JMJD8: variants seen among roughly 807,000 people sequenced by gnomAD.
JMJD8 encodes jmjC domain-containing protein 8.
A neutral mutation model predicts 37.6 loss-of-function variants in JMJD8; 56 were observed. That is an observed-to-expected ratio of 1.49 (90% CI 1.20 to 1.86). The LOEUF (loss-of-function observed/expected upper bound fraction) is 1.86. Among genes scored for constraint, JMJD8 ranks in the 40% most tolerant of loss-of-function variants. JMJD8 has a pLI of 0.00. For synonymous variants in JMJD8, 261 were observed against 163.7 expected (o/e 1.59, Z -4.54); for missense variants, 542 against 362.7 (o/e 1.49, Z -4.01).
chr16:684,069 T>C lies in JMJD8; in HGVS notation c.173A>G (p.Gln58Arg), dbSNP rs769804380. 1.2e-5 allele frequency: 19 copies of C among 1,580,344 alleles called. No homozygotes were observed. The Admixed American group carries it at 3.1e-4, about 26-fold the overall frequency. The change falls in exon 2 of 9, where the codon CAG becomes CGG. Residue 58 changes from glutamine (Q) to arginine (R), a missense_variant. Coordinates refer to ENST00000609261, the MANE Select transcript of JMJD8 (RefSeq NM_001005920.4). ...CCGCGATCAGGGGCGCACGTACTGC[T>C]GCACGAACTCCGCGTAGGTGAGGTC... ...RADLTYAEFV[Q>R]QYAFVRPVIL...
In JMJD8 at chr16:681,672, T is replaced by G. The variant is rs2039657794; in HGVS notation, c.*1122A>C. The stretch of plus-strand genomic sequence containing the variant: ...AATCACCGACTCCCGACACAAGCGT[T>G]TATCGAAGGCTTTACTGGCAAGCAG... On this transcript the variant is annotated 3_prime_UTR_variant, in exon 9 of 9. Coordinates refer to ENST00000609261, the MANE Select transcript of JMJD8 (RefSeq NM_001005920.4). The G allele has an allele frequency of 1.4e-5, 22 of 1,564,678 alleles. No individual in the cohort carries two copies. Among genetic ancestry groups the G allele is most frequent in the Non-Finnish European group, 1.6e-5 (18 of 1,152,050 alleles).
In JMJD8 at chr16:682,812, G is replaced by C. The variant is rs759071961; in HGVS notation, c.777C>G (p.Ile259Met). 7.2e-5 allele frequency: 116 copies of C among 1,612,892 alleles called. 1 individual carries two copies. The highest frequency in any genetic ancestry group is 9.2e-5 in the Non-Finnish European group (109 of 1,179,874). Reference protein sequence around the residue: ...ATLNLDTSVFISTFLG With the variant: ...ATLNLDTSVFMSTFLG ...GTTTTGGCTAGCCGAGGAAGGTGGA[G>C]ATGAAGACGCTGGTGTCAAGGTTGA... The change falls in exon 9 of 9, where the codon ATC becomes ATG. Residue 259 changes from isoleucine (I) to methionine (M), a missense_variant. Ile to Met is a conservative substitution (Grantham distance 10). Transcript: ENST00000609261.
Position 683,899 on chromosome 16 carries a change from C to T in JMJD8, c.187G>A (p.Val63Ile), listed in dbSNP as rs1324800952. 3 of 1,580,404 alleles carry T rather than the reference C, an allele frequency of 1.9e-6. No homozygotes were observed. The highest frequency in any genetic ancestry group is 1.3e-5 in the African/African-American group (1 of 74,320). Residue 63 changes from valine (V) to isoleucine (I), a missense_variant, in exon 3 of 9, where the codon GTC becomes ATC. By Grantham distance (29) the Val-to-Ile change is conservative. Transcript: ENST00000609261. ...AGTCCCTGCAGGATGACGGGCCTGA[C>T]GAAGGCGTACCTGGAAAGAAGGGCA... ...YAEFVQQYAFVRPVILQGLTD... is the reference protein window; with the variant it reads ...YAEFVQQYAFIRPVILQGLTD...
At position 683,776 on chromosome 16, in the gene JMJD8, G is replaced by A. The variant is rs777191693; in HGVS notation, c.231C>T (p.Phe77=). Residue 77 remains phenylalanine, a synonymous_variant, in exon 4 of 9, where the codon TTC becomes TTT. Transcript: ENST00000609261. The part of the protein sequence containing the change: ...ILQGLTDNSR[F]RALCSRDRLL... ...ACCTGTCGCGGGAGCACAGGGCCCG[G>A]AACCTCTGCGGGGGCGGGGAGGGGA... 8 of 1,606,490 alleles carry A rather than the reference G, an allele frequency of 5.0e-6. No homozygotes were observed. The Admixed American group carries it at 1.2e-4, about 24-fold the overall frequency.
rs2039704266 is a variant in JMJD8 at position 682,396 on chromosome 16, C to T, written c.*398G>A. On this transcript the variant is annotated 3_prime_UTR_variant, in exon 9 of 9. Transcript: ENST00000609261. ...GTCATTTTGACCCCGTGACCCGGAGCCCCCTGACCCAGGAACAGCTCATCC... is the reference window on the plus strand; with the variant it reads ...GTCATTTTGACCCCGTGACCCGGAGTCCCCTGACCCAGGAACAGCTCATCC... 3 of 1,613,126 alleles carry T rather than the reference C, an allele frequency of 1.9e-6. No individual in the cohort carries two copies. Among genetic ancestry groups the T allele is most frequent in the South Asian group, 1.1e-5 (1 of 91,086 alleles).
chr16:682,582 C>A lies in JMJD8; in HGVS notation c.*212G>T, dbSNP rs1290777829. The A allele has an allele frequency of 3.2e-6, 5 of 1,553,522 alleles. No homozygotes were observed. In the African/African-American group the frequency reaches 6.8e-5, roughly 21 times the overall value. On this transcript the variant is annotated 3_prime_UTR_variant, in exon 9 of 9. Coordinates refer to ENST00000609261, the MANE Select transcript of JMJD8 (RefSeq NM_001005920.4). ...TAGTTTATGTTCCTGGCCACCCCGA[C>A]CGCTTCCCCCAAGTTCTGCTGTTGG... is the stretch of plus-strand genomic sequence containing the variant.
Position 682,653 on chromosome 16 carries a change from A to G in JMJD8, c.*141T>C. On this transcript the variant is annotated 3_prime_UTR_variant, in exon 9 of 9. Transcript: ENST00000609261. Reference sequence around the variant, plus strand: ...TCAGCATCGCTTTTGCTGGGCCGTGATCGTCCCCCTTTGTGGGCTGGAAAA... The same window carrying G: ...TCAGCATCGCTTTTGCTGGGCCGTGGTCGTCCCCCTTTGTGGGCTGGAAAA... 7.1e-7 allele frequency: 1 copy of G among 1,405,912 alleles called. No individual in the cohort carries two copies. The allele number at this position is 1,405,912 out of a possible 1,614,324, so 87.1% of individuals were successfully genotyped here. A position where few individuals can be genotyped will look rare whatever the true frequency, so the allele number is the denominator to read the frequency against.
rs2039724370 is a variant in JMJD8, at chr16:682,717, C to G, written c.*77G>C. 1 of 1,536,660 alleles carries G rather than the reference C, an allele frequency of 6.5e-7. No individual in the cohort carries two copies. Among genetic ancestry groups the G allele is most frequent in the African/African-American group, 1.4e-5 (1 of 73,574 alleles). ...GGCTGGGCTGAGGCCATTGCCGCCA[C>G]TATCTGTGTAATAAAATCCGTGAGC... On this transcript the variant is annotated 3_prime_UTR_variant, in exon 9 of 9. Transcript: ENST00000609261.
chr16:683,196 C>G lies in JMJD8; in HGVS notation c.550G>C (p.Gly184Arg), dbSNP rs778048664. The G allele has an allele frequency of 6.2e-6, 10 of 1,613,096 alleles. No homozygotes were observed. The highest frequency in any genetic ancestry group is 1.3e-5 in the African/African-American group (1 of 74,894). ...CGACCGTAGATCACTTCTGAGTACC[C>G]GGGTCCATGCCAGTGGAAGGGCACC... The part of the protein sequence containing the change: ...SGVPFHWHGP[G>R]YSEVIYGRKR... The change falls in exon 7 of 9, where the codon GGG (glycine) becomes CGG (arginine). Residue 184 changes from glycine to arginine, a missense_variant. Physicochemically the swap from Gly to Arg is moderately radical, Grantham distance 125. Transcript: ENST00000609261.
At position 681,806 on chromosome 16, in the gene JMJD8, T is replaced by C; in HGVS notation, c.*988A>G. The C allele has an allele frequency of 6.2e-7, 1 of 1,600,530 alleles. No homozygotes were observed. The highest frequency in any genetic ancestry group is 8.5e-7 in the Non-Finnish European group (1 of 1,171,040). ...GTCAACCCCCAGGGAGCTGGAAGAG[T>C]GCCAGCGAAACCACGAGGGTGATGA... is the stretch of plus-strand genomic sequence containing the variant. On this transcript the variant is annotated 3_prime_UTR_variant, in exon 9 of 9. Coordinates refer to ENST00000609261, the MANE Select transcript of JMJD8 (RefSeq NM_001005920.4).
chr16:683,114 C>T (rs777189709), intron 7 of JMJD8, 27 bp from the exon 8 acceptor site: 22 of 1,613,406 alleles, frequency 1.4e-5, no homozygotes, highest in East Asian at 6.7e-5. Context: ...CAGTGTCACC[C>T]TTGCCCGTTT....
Position 683,306 on chromosome 16 carries a change from C to A in JMJD8, c.511+16G>T. On this transcript the variant is annotated intron_variant, in intron 6 of 8. Transcript: ENST00000609261. ...GACAGAAGCCTCAGTCCTTCCCAGT[C>A]CCAAGAAGCACCCACCTGCGATTCC... 2 of 1,606,246 alleles carry A rather than the reference C, an allele frequency of 1.2e-6. No homozygotes were observed. The highest frequency in any genetic ancestry group is 1.1e-5 in the South Asian group (1 of 90,186).
chr16:683,545 TG>T lies in JMJD8; in HGVS notation c.375del (p.Thr126ProfsTer63). ...GCTGCCTCACCATTGCCCAGGGAGG[TG>T]GGGTCCTGGGGGTGCAGCAGCTGCT... ...YVEQLLHPQD[P>X]TSLGNDTLYF... On this transcript the variant is annotated frameshift_variant, in exon 5 of 9. Transcript: ENST00000609261. LOFTEE classifies it high-confidence loss of function. The T allele has an allele frequency of 6.4e-7, 1 of 1,562,176 alleles. No individual in the cohort carries two copies. The highest frequency in any genetic ancestry group is 8.7e-7 in the Non-Finnish European group (1 of 1,153,336).
In JMJD8 at chr16:682,522, G is replaced by C. The variant is rs1450528231; in HGVS notation, c.*272C>G. The C allele has an allele frequency of 1.7e-5, 27 of 1,611,976 alleles. No homozygotes were observed. The highest frequency in any genetic ancestry group is 2.3e-5 in the Non-Finnish European group (27 of 1,179,552). ...TGCCCTACCTGGCGTCCTGGTCCAGGGGAGCCCTGGGCAGAAGCCCCCGGC... is the reference window on the plus strand; with the variant it reads ...TGCCCTACCTGGCGTCCTGGTCCAGCGGAGCCCTGGGCAGAAGCCCCCGGC... On this transcript the variant is annotated 3_prime_UTR_variant, in exon 9 of 9. Transcript: ENST00000609261.
chr16:683,776 G>C lies in JMJD8; in HGVS notation c.231C>G (p.Phe77Leu). 1.2e-6 allele frequency: 2 copies of C among 1,606,490 alleles called. No individual in the cohort carries two copies. The highest frequency in any genetic ancestry group is 1.3e-5 in the African/African-American group (1 of 74,930). Residue 77 changes from phenylalanine to leucine, a missense_variant, in exon 4 of 9, where the codon TTC becomes TTG. Physicochemically the swap from Phe to Leu is conservative, Grantham distance 22. Transcript: ENST00000609261. ...ILQGLTDNSR[F>L]RALCSRDRLL... is the part of the protein sequence containing the mutation. Reference sequence around the variant, plus strand: ...ACCTGTCGCGGGAGCACAGGGCCCGGAACCTCTGCGGGGGCGGGGAGGGGA... The same window carrying C: ...ACCTGTCGCGGGAGCACAGGGCCCGCAACCTCTGCGGGGGCGGGGAGGGGA...
chr16:682,910 C>T (rs769291122), intron 8 of JMJD8, 36 bp from the exon 9 acceptor site: 92 of 1,611,982 alleles, frequency 5.7e-5, no homozygotes, highest in Admixed American at 6.7e-5. Flanking sequence ...AGATTAGCTG[C>T]GGGCCTCTAG....
Position 682,739 on chromosome 16 carries a change from G to C in JMJD8, c.*55C>G. On this transcript the variant is annotated 3_prime_UTR_variant, in exon 9 of 9. Transcript: ENST00000609261. ...CCACTATCTGTGTAATAAAATCCGTGAGCACGAGGTGGGACGTGCTGGTGT... is the reference window on the plus strand; with the variant it reads ...CCACTATCTGTGTAATAAAATCCGTCAGCACGAGGTGGGACGTGCTGGTGT... 6.3e-7 allele frequency: 1 copy of C among 1,580,576 alleles called. No homozygotes were observed. Among genetic ancestry groups the C allele is most frequent in the African/African-American group, 1.3e-5 (1 of 74,506 alleles).
In JMJD8 at chr16:682,589, C is replaced by G. The variant is rs2039716640; in HGVS notation, c.*205G>C. On this transcript the variant is annotated 3_prime_UTR_variant, in exon 9 of 9. Coordinates refer to ENST00000609261, the MANE Select transcript of JMJD8 (RefSeq NM_001005920.4). The stretch of plus-strand genomic sequence containing the variant: ...TGTTCCTGGCCACCCCGACCGCTTC[C>G]CCCAAGTTCTGCTGTTGGACTCTGG... The G allele has an allele frequency of 1.3e-6, 2 of 1,538,166 alleles. No individual in the cohort carries two copies. The highest frequency in any genetic ancestry group is 2.7e-5 in the African/African-American group (2 of 73,410).
Position 683,179 on chromosome 16 carries a change from G to A in JMJD8, c.567C>T (p.Ile189=), listed in dbSNP as rs763745502. Residue 189 remains isoleucine (I), a synonymous_variant, in exon 7 of 9, where the codon ATC becomes ATT. Transcript: ENST00000609261. ...ACCCCGTGCTGACCTTACGACCGTA[G>A]ATCACTTCTGAGTACCCGGGTCCAT... The part of the protein sequence containing the change: ...HWHGPGYSEV[I]YGRKRWFLYP... The A allele has an allele frequency of 9.3e-6, 15 of 1,613,300 alleles. No individual in the cohort carries two copies. The highest frequency in any genetic ancestry group is 1.3e-5 in the Non-Finnish European group (15 of 1,179,886).
Sources: allele counts gnomAD v4.1 joint callset, GRCh38; gene constraint gnomAD v4.1.1; transcripts MANE v1.5; gene names NCBI Gene and HGNC (gene_info 2026-07-23, HGNC 2026-07-21).